Variants in SGMS2 observed in about 807,000 individuals in gnomAD.
SGMS2 encodes the protein phosphatidylcholine:ceramide cholinephosphotransferase 2.
SGMS2 carries 21 observed loss-of-function variants against 43.8 expected under a neutral mutation model. That is an observed-to-expected ratio of 0.48 (90% CI 0.34 to 0.69). The LOEUF is 0.69. SGMS2 is among the 30% of genes least tolerant of loss of function. SGMS2 has a pLI of 0.01. For missense variants in SGMS2, 384 were observed against 443.2 expected (o/e 0.87, Z 1.20); for synonymous variants, 167 against 160.6 (o/e 1.04, Z -0.30).
chr4:107,831,576 A>T (rs1008922631), intron 1 of SGMS2, among the ~76,000 whole-genome samples: 1 of 152,208 alleles, frequency 6.6e-6, no homozygotes, highest in African/African-American at 2.4e-5. Flanking sequence ...TTTTCTGCAT[A>T]TAAGCTGCAC....
At chr4:107,886,364 ATT>A (rs67228519) in intron 2 of SGMS2, among the ~76,000 whole-genome samples, 28 of 106,246 alleles carry the variant, frequency 2.6e-4, no homozygotes, top group African/African-American at 1.1e-3. Context: ...CACCCAGCTA[ATT>A]TTTTTTTTTT....
chr4:107,839,518 G>A (rs939203125), intron 1 of SGMS2, among the ~76,000 whole-genome samples: 2 of 152,066 alleles, frequency 1.3e-5, no homozygotes, highest in Admixed American at 6.6e-5. Flanking sequence ...TAAGTGGAGG[G>A]GTAGAAGCAA....
At chr4:107,877,564 G>T (rs980891478) in intron 2 of SGMS2, among the ~76,000 whole-genome samples, 1 of 152,144 alleles carries the variant, frequency 6.6e-6, no homozygotes, top group Non-Finnish European at 1.5e-5. Context: ...GCTTTTGTTT[G>T]ACCATTAAAC....
At chr4:107,838,038 A>T (rs951259428) in intron 1 of SGMS2, among the ~76,000 whole-genome samples, 4 of 152,114 alleles carry the variant, frequency 2.6e-5, no homozygotes, top group African/African-American at 9.7e-5. Context: ...GTGTCAGTAT[A>T]GAAGTGATAT....
intron 1 of SGMS2, among the ~76,000 whole-genome samples, chr4:107,828,263 A>G (rs1378070829): frequency 2.0e-5 from 3 of 152,144 alleles, no homozygotes; most frequent in Non-Finnish European, 2.9e-5. Flanking sequence ...TGATCTTACT[A>G]TGGGCCAGGC....
chr4:107,878,554 T>A (rs1459239066), intron 2 of SGMS2, among the ~76,000 whole-genome samples: 1 of 152,214 alleles, frequency 6.6e-6, no homozygotes, highest in Non-Finnish European at 1.5e-5. Flanking sequence ...TCCATTAACA[T>A]ACCTACCTAT....
intron 2 of SGMS2, among the ~76,000 whole-genome samples, chr4:107,892,407 T>TAAA (rs1730306930): frequency 6.9e-6 from 1 of 145,250 alleles, no homozygotes; most frequent in African/African-American, 2.5e-5. Context: ...GATAGGAGAT[T>TAAA]TGTTAAAGGT....
rs765215200 is a variant in SGMS2, at chr4:107,910,858, C to T, written c.*305C>T. On this transcript the variant is annotated 3_prime_UTR_variant, in exon 7 of 7. Transcript: ENST00000690982. Reference sequence around the variant, plus strand: ...TCCTCCTTTCTTTATTCTTTCTCCACCAAAACCCTCTACTTCAGAATTTTT... The same window carrying T: ...TCCTCCTTTCTTTATTCTTTCTCCATCAAAACCCTCTACTTCAGAATTTTT... 8.1e-6 allele frequency: 2 copies of T among 246,878 alleles called. No homozygotes were observed. Among genetic ancestry groups the T allele is most frequent in the Non-Finnish European group, 1.6e-5 (2 of 128,204 alleles). The allele number at this position is 246,878 out of a possible 1,614,324, so 15.3% of individuals were successfully genotyped here. A position where few individuals can be genotyped will look rare whatever the true frequency, so the allele number is the denominator to read the frequency against.
Position 107,856,715 on chromosome 4 carries a change from T to C in SGMS2, c.-326-1757T>C, listed in dbSNP as rs199909320. Among the ~76,000 whole-genome samples the C allele has an allele frequency of 4.6e-5, 7 of 152,184 alleles. No homozygotes were observed. The East Asian group carries it at 1.3e-3, about 29-fold the overall frequency. On this transcript the variant is annotated intron_variant, in intron 1 of 6. Coordinates refer to ENST00000690982, the MANE Select transcript of SGMS2 (RefSeq NM_001375905.1). The stretch of plus-strand genomic sequence containing the variant: ...ACCATGGGGAGTGTAGTGTACAGTA[T>C]CTGAAGTGTAAAACTAAACTGCTTG...
chr4:107,856,598 C>T (rs572513061), intron 1 of SGMS2, among the ~76,000 whole-genome samples: 16 of 152,128 alleles, frequency 1.1e-4, no homozygotes, highest in Non-Finnish European at 1.6e-4. Flanking sequence ...TAGGTGGAGT[C>T]GAGAGAGGGT....
At chr4:107,833,703 A>G (rs1452498534) in intron 1 of SGMS2, among the ~76,000 whole-genome samples, 3 of 152,210 alleles carry the variant, frequency 2.0e-5, no homozygotes, top group African/African-American at 4.8e-5. Flanking sequence ...ATTCTCACTC[A>G]TCCTGCACGG....
rs994612162 is a variant in SGMS2, at chr4:107,870,776, C to T, written c.-245+12223C>T. On this transcript the variant is annotated intron_variant, in intron 2 of 6. Transcript: ENST00000690982. Reference sequence around the variant, plus strand: ...CATTTTCTAGGCTGCTTCTTTGTTTCATGGTAAGCAAAGAAGTATAATTCT... The same window carrying T: ...CATTTTCTAGGCTGCTTCTTTGTTTTATGGTAAGCAAAGAAGTATAATTCT... 4.6e-5 allele frequency among the ~76,000 whole-genome samples: 7 copies of T among 151,992 alleles called. No homozygotes were observed. The East Asian group carries it at 1.3e-3, about 29-fold the overall frequency.
chr4:107,907,582 G>A (rs972613528), intron 5 of SGMS2, among the ~76,000 whole-genome samples: 1 of 152,112 alleles, frequency 6.6e-6, no homozygotes, highest in Non-Finnish European at 1.5e-5. Flanking sequence ...TTGAACTCCA[G>A]CATGGGCGAC....
chr4:107,836,173 C>T (rs1477641327), intron 1 of SGMS2, among the ~76,000 whole-genome samples: 2 of 152,066 alleles, frequency 1.3e-5, no homozygotes, highest in Non-Finnish European at 2.9e-5. Context: ...CAGTTCAGAC[C>T]GGCCACACGT....
At chr4:107,849,258 G>A (rs1223950390) in intron 1 of SGMS2, among the ~76,000 whole-genome samples, 1 of 152,048 alleles carries the variant, frequency 6.6e-6, no homozygotes, top group East Asian at 1.9e-4. Flanking sequence ...ATGTCTGAGA[G>A]CACTCCTGTC....
intron 1 of SGMS2, among the ~76,000 whole-genome samples, chr4:107,826,548 C>T (rs1415444607): frequency 6.7e-6 from 1 of 149,700 alleles, no homozygotes; most frequent in Non-Finnish European, 1.5e-5. Context: ...TTACCTTTAC[C>T]TTTTTTTTTT....
rs1014698493 is a variant in SGMS2, at chr4:107,911,274, A to G, written c.*721A>G. ...GTAAATGTTTCACTTTAAAATCTCT[A>G]TGACAGATACACAGGAAACATGAGA... On this transcript the variant is annotated 3_prime_UTR_variant, in exon 7 of 7. Coordinates refer to ENST00000690982, the MANE Select transcript of SGMS2 (RefSeq NM_001375905.1). 1 of 152,262 alleles carries G rather than the reference A, an allele frequency of 6.6e-6. No individual in the cohort carries two copies. Among genetic ancestry groups the G allele is most frequent in the Non-Finnish European group, 1.5e-5 (1 of 68,058 alleles). The allele number at this position is 152,262 out of a possible 1,614,324, so 9.4% of individuals were successfully genotyped here.
chr4:107,879,654 G>A (rs1729196098), intron 2 of SGMS2, among the ~76,000 whole-genome samples: 1 of 151,972 alleles, frequency 6.6e-6, no homozygotes, highest in South Asian at 2.1e-4. Context: ...GAGAGACAGG[G>A]TTTTGTCATG....
chr4:107,876,374 A>G (rs1728912184), intron 2 of SGMS2, among the ~76,000 whole-genome samples: 1 of 152,164 alleles, frequency 6.6e-6, no homozygotes, highest in Non-Finnish European at 1.5e-5. Context: ...TTTCTCCTCA[A>G]GTCTCTGCCT....
Sources: gnomAD v4.1 joint callset for allele counts (sites outside exome capture counted in the v4.1 genomes callset) on GRCh38, gnomAD v4.1.1 for gene constraint, MANE v1.5 for transcripts, NCBI Gene and HGNC (gene_info 2026-07-23, HGNC 2026-07-21) for gene names.